The following IL1RAPL2 variants were observed in gnomAD, a reference collection of about 807,000 sequenced individuals.
The protein encoded by IL1RAPL2 is interleukin 1 receptor accessory protein like 2.
In IL1RAPL2, 3 loss-of-function variants were observed where a neutral mutation model predicts 44.1. That is an observed-to-expected ratio of 0.07 (90% confidence interval 0.03 to 0.18). The LOEUF (loss-of-function observed/expected upper bound fraction) is 0.18. Among genes scored for constraint, IL1RAPL2 ranks in the 10% least tolerant of loss-of-function variants. IL1RAPL2 has a pLI of 1.00. For missense variants in IL1RAPL2, 391 were observed against 496.4 expected, an observed-to-expected ratio of 0.79 and a Z score of 2.02; for synonymous variants, 181 against 178.8, an observed-to-expected ratio of 1.01 and a Z score of -0.10.
chrX:105,273,272 G>T (rs2034461272), intron 5 of IL1RAPL2, among the ~76,000 whole-genome samples: 1 of 110,620 alleles, frequency 9.0e-6, no homozygotes, highest in Non-Finnish European at 1.9e-5. Context: ...CAAAATGAAG[G>T]ACTCATAAGC....
intron 5 of IL1RAPL2, among the ~76,000 whole-genome samples, chrX:105,396,592 A>G (rs1602393238): frequency 1.9e-5 from 2 of 105,356 alleles, no homozygotes; most frequent in African/African-American, 6.8e-5. Context: ...CAAAATCCTT[A>G]TCTACAGGCC....
At chrX:104,961,907 C>T (rs2030014996) in intron 2 of IL1RAPL2, among the ~76,000 whole-genome samples, 1 of 112,298 alleles carries the variant, frequency 8.9e-6, no homozygotes, top group East Asian at 2.8e-4. Flanking sequence ...GTGCTTACCG[C>T]ATGATTACCC....
rs1011566030 is a variant in IL1RAPL2, at chrX:104,940,079, A to G, written c.83-255396A>G. ...ACATTGAATTGCATGTTTAAAATGTATTAGTTGTATAGTATGTATAGTATG... is the reference window on the plus strand; with the variant it reads ...ACATTGAATTGCATGTTTAAAATGTGTTAGTTGTATAGTATGTATAGTATG... On this transcript the variant is annotated intron_variant, in intron 2 of 10. Transcript: ENST00000372582. 2.7e-5 allele frequency among the ~76,000 whole-genome samples: 3 copies of G among 111,911 alleles called. No homozygotes were observed. In the East Asian group the frequency reaches 8.4e-4, roughly 31 times the overall value.
At chrX:104,914,155 G>A (rs1924337374) in intron 2 of IL1RAPL2, among the ~76,000 whole-genome samples, 1 of 111,665 alleles carries the variant, frequency 9.0e-6, no homozygotes, top group African/African-American at 3.3e-5. Flanking sequence ...TCTGAAGTTA[G>A]GGCCTGTGGA....
In IL1RAPL2 at chrX:105,119,591, G is replaced by A. The variant is rs777505050; in HGVS notation, c.83-75884G>A. Among the ~76,000 whole-genome samples, 8 of 101,085 alleles carry A rather than the reference G, an allele frequency of 7.9e-5. No individual in the cohort carries two copies. The South Asian group carries it at 4.0e-3, about 50-fold the overall frequency. 87.8% of individuals were successfully genotyped at this position (101,085 alleles called of 115,157 possible). A position where few individuals can be genotyped will look rare whatever the true frequency, so the allele number is the denominator to read the frequency against. Reference sequence around the variant, plus strand: ...AAATGTTTTTGACCTAATGCTTTCGGTGCCCAATAACTTCTGACCTATTTA... The same window carrying A: ...AAATGTTTTTGACCTAATGCTTTCGATGCCCAATAACTTCTGACCTATTTA... On this transcript the variant is annotated intron_variant, in intron 2 of 10. Coordinates refer to ENST00000372582, the MANE Select transcript of IL1RAPL2 (RefSeq NM_017416.2).
intron 6 of IL1RAPL2, among the ~76,000 whole-genome samples, chrX:105,591,559 A>G (rs1361412739): frequency 9.0e-6 from 1 of 111,379 alleles, no homozygotes; most frequent in Non-Finnish European, 1.9e-5. Context: ...GTTTAGTGCT[A>G]TAAACTTTCC....
intron 2 of IL1RAPL2, among the ~76,000 whole-genome samples, chrX:104,760,871 G>C (rs1932415855): frequency 9.0e-6 from 1 of 111,539 alleles, no homozygotes. Flanking sequence ...ATGTCCTGGA[G>C]AGTTTTCCCT....
intron 2 of IL1RAPL2, among the ~76,000 whole-genome samples, chrX:105,033,119 C>G (rs981189686): frequency 9.0e-6 from 1 of 111,322 alleles, no homozygotes; most frequent in Non-Finnish European, 1.9e-5. Flanking sequence ...ATGTGTGTCT[C>G]TGCACGTGAG....
chrX:104,820,158 T>G (rs1247633455), intron 2 of IL1RAPL2, among the ~76,000 whole-genome samples: 7 of 111,904 alleles, frequency 6.3e-5, no homozygotes, highest in African/African-American at 2.0e-4. Flanking sequence ...GACAGATACC[T>G]ATTAGACTCT....
intron 1 of IL1RAPL2, among the ~76,000 whole-genome samples, chrX:104,653,709 A>C (rs984455230): frequency 1.8e-5 from 2 of 111,090 alleles, no homozygotes; most frequent in African/African-American, 6.5e-5. Flanking sequence ...CCTACCAAGC[A>C]CTTGATATCA....
At chrX:105,541,949 T>C (rs770697870) in intron 6 of IL1RAPL2, among the ~76,000 whole-genome samples, 51 of 110,669 alleles carry the variant, frequency 4.6e-4, no homozygotes, top group African/African-American at 1.6e-3. Flanking sequence ...TGTCTTTGTA[T>C]CCTTTAGCTC....
At chrX:105,328,415 C>A (rs892447316) in intron 5 of IL1RAPL2, among the ~76,000 whole-genome samples, 3 of 111,704 alleles carry the variant, frequency 2.7e-5, no homozygotes, top group African/African-American at 9.7e-5. Context: ...TAACCCATCC[C>A]AGTATATTTG....
chrX:105,755,442 G>A, intron 10 of IL1RAPL2, 95 bp downstream of exon 10: 1 of 614,613 alleles, frequency 1.6e-6, no homozygotes, highest in South Asian at 4.9e-5. Flanking sequence ...TTAGACAGTT[G>A]TTTCTCACAG....
intron 2 of IL1RAPL2, among the ~76,000 whole-genome samples, chrX:105,018,348 C>T (rs1161225019): frequency 1.8e-5 from 2 of 111,241 alleles, no homozygotes; most frequent in Non-Finnish European, 3.8e-5. Flanking sequence ...CATTCCTTCG[C>T]TCAGTATGCC....
chrX:105,109,014 C>CT (rs1157577062), intron 2 of IL1RAPL2, among the ~76,000 whole-genome samples: 3 of 111,740 alleles, frequency 2.7e-5, no homozygotes, highest in Non-Finnish European at 3.8e-5. Flanking sequence ...GGCTTCCTGT[C>CT]TCAGTGCTTC....
At chrX:104,893,339 A>G (rs1273489759) in intron 2 of IL1RAPL2, among the ~76,000 whole-genome samples, 2 of 111,193 alleles carry the variant, frequency 1.8e-5, no homozygotes, top group Non-Finnish European at 3.8e-5. Flanking sequence ...CAATTTCTGG[A>G]TATCCTCATT....
At chrX:104,796,429 G>T (rs1034819663) in intron 2 of IL1RAPL2, among the ~76,000 whole-genome samples, 1 of 112,153 alleles carries the variant, frequency 8.9e-6, no homozygotes, top group Non-Finnish European at 1.9e-5. Flanking sequence ...AAAACAGGAG[G>T]GTTGGCGGTG....
At chrX:105,106,105 A>T (rs777136132) in intron 2 of IL1RAPL2, among the ~76,000 whole-genome samples, 3 of 112,207 alleles carry the variant, frequency 2.7e-5, no homozygotes, top group Non-Finnish European at 5.6e-5. Context: ...TGAAAGTCCC[A>T]TGATTTTCTT....
chrX:105,228,526 C>T lies in IL1RAPL2; in HGVS notation c.357-5292C>T, dbSNP rs188694059. Among the ~76,000 whole-genome samples, 6 of 111,963 alleles carry T rather than the reference C, an allele frequency of 5.4e-5. No homozygotes were observed. The East Asian group carries it at 1.7e-3, about 31-fold the overall frequency. On this transcript the variant is annotated intron_variant, in intron 3 of 10. Transcript: ENST00000372582. ...TCTCCCCAGAGAACCCAAGATTGAT[C>T]AATATTTTCCCTTAGAAATACATCT...
Sources: allele counts gnomAD v4.1 joint callset (sites outside exome capture counted in the v4.1 genomes callset), GRCh38; gene constraint gnomAD v4.1.1; transcripts MANE v1.5; gene names NCBI Gene and HGNC (gene_info 2026-07-23, HGNC 2026-07-21).